Variants in ASTN2 observed in about 807,000 individuals in gnomAD.
ASTN2 encodes astrotactin-2.
ASTN2 carries 54 observed loss-of-function variants against 139.8 expected under a neutral mutation model. The observed-to-expected ratio is 0.39, with a 90% CI of 0.31 to 0.48. The LOEUF is 0.48. Ranked by LOEUF, ASTN2 falls within the 20% of genes least tolerant of loss-of-function variation. The pLI is 0.95. For synonymous variants in ASTN2, 756 were observed against 719.5 expected, an observed-to-expected ratio of 1.05 and a Z score of -0.81; for missense variants, 1,565 against 1,725.1, an observed-to-expected ratio of 0.91 and a Z score of 1.64.
chr9:116,879,693 T>C (rs1833403114), intron 10 of ASTN2, among the ~76,000 whole-genome samples: 2 of 152,250 alleles, frequency 1.3e-5, no homozygotes, highest in African/African-American at 2.4e-5. Context: ...GACAAATGAA[T>C]GAATAAAAAC....
chr9:116,604,244 A>G (rs1855069726), intron 19 of ASTN2, among the ~76,000 whole-genome samples: 1 of 152,144 alleles, frequency 6.6e-6, no homozygotes, highest in Non-Finnish European at 1.5e-5. Context: ...GAACTTTGTG[A>G]TATAGAAGGC....
At chr9:117,268,049 G>A (rs1833976130) in intron 2 of ASTN2, among the ~76,000 whole-genome samples, 1 of 152,132 alleles carries the variant, frequency 6.6e-6, no homozygotes, top group Non-Finnish European at 1.5e-5. Flanking sequence ...ATGTTAAAAA[G>A]CACTGGAATA....
intron 13 of ASTN2, among the ~76,000 whole-genome samples, chr9:116,784,727 C>T (rs779750564): frequency 2.0e-5 from 3 of 151,954 alleles, no homozygotes; most frequent in Admixed American, 6.6e-5. Flanking sequence ...GTTGGGAGTT[C>T]GAGACCAGCC....
At chr9:116,806,693 T>C (rs1008156008) in intron 12 of ASTN2, among the ~76,000 whole-genome samples, 2 of 152,182 alleles carry the variant, frequency 1.3e-5, no homozygotes, top group South Asian at 4.1e-4. Context: ...GTGAGTCATT[T>C]AACTTCTATG....
intron 4 of ASTN2, among the ~76,000 whole-genome samples, chr9:117,115,765 C>A (rs1429602523): frequency 6.6e-6 from 1 of 151,960 alleles, no homozygotes; most frequent in Admixed American, 6.6e-5. Flanking sequence ...GTGGCTCACA[C>A]CTGTAATCCC....
At chr9:117,365,639 A>G (rs1829823268) in intron 1 of ASTN2, among the ~76,000 whole-genome samples, 1 of 152,192 alleles carries the variant, frequency 6.6e-6, no homozygotes. Context: ...CCCAGTAAAA[A>G]TAGACCAGGA....
rs181069481 is a variant in ASTN2 at position 116,431,584 on chromosome 9, C to G, written c.3783-5496G>C. 1.1e-4 allele frequency among the ~76,000 whole-genome samples: 16 copies of G among 151,900 alleles called. 1 individual carries two copies. In the East Asian group the frequency reaches 3.1e-3, roughly 29 times the overall value. Reference sequence around the variant, plus strand: ...GAGCTGAAAGCAGGAATGGAGAGTGCCCATGGAAGAGAAGATTTAGGCCAT... The same window carrying G: ...GAGCTGAAAGCAGGAATGGAGAGTGGCCATGGAAGAGAAGATTTAGGCCAT... On this transcript the variant is annotated intron_variant, in intron 22 of 22. Coordinates refer to ENST00000313400, the MANE Select transcript of ASTN2 (RefSeq NM_001365068.1).
intron 13 of ASTN2, among the ~76,000 whole-genome samples, chr9:116,772,471 T>A (rs758635194): frequency 6.6e-6 from 1 of 152,200 alleles, no homozygotes; most frequent in Non-Finnish European, 1.5e-5. Context: ...TTTTTCTGTA[T>A]AAATTACCCA....
chr9:116,964,153 G>T (rs576564228), intron 10 of ASTN2, among the ~76,000 whole-genome samples: 1 of 151,740 alleles, frequency 6.6e-6, no homozygotes, highest in East Asian at 1.9e-4. Flanking sequence ...TTGAACCTAA[G>T]GTACAGATCA....
rs368221072 is a variant in ASTN2, at chr9:117,276,153, A to G, written c.630+15173T>C. ...ATTTATTGAGAAATTTCTATTTATCAGGCACCAAGTCTGTACTTAACATGG... is the reference window on the plus strand; with the variant it reads ...ATTTATTGAGAAATTTCTATTTATCGGGCACCAAGTCTGTACTTAACATGG... On this transcript the variant is annotated intron_variant, in intron 2 of 22. Coordinates refer to ENST00000313400, the MANE Select transcript of ASTN2 (RefSeq NM_001365068.1). Among the ~76,000 whole-genome samples the G allele has an allele frequency of 1.1e-4, 16 of 152,342 alleles. No homozygotes were observed. The East Asian group carries it at 2.3e-3, about 22-fold the overall frequency.
At chr9:117,027,757 TC>T (rs1838129379) in intron 6 of ASTN2, among the ~76,000 whole-genome samples, 1 of 152,162 alleles carries the variant, frequency 6.6e-6, no homozygotes, top group Non-Finnish European at 1.5e-5. Flanking sequence ...TCATCTACCT[TC>T]CATAGTAGCC....
chr9:116,750,959 T>C (rs781282855), intron 13 of ASTN2, among the ~76,000 whole-genome samples: 3 of 152,212 alleles, frequency 2.0e-5, no homozygotes, highest in Non-Finnish European at 4.4e-5. Context: ...TGAATCCAGT[T>C]TGTAAGACCC....
At chr9:117,060,332 AAGAAAGAAAGAG>A (rs1455879958) in intron 5 of ASTN2, among the ~76,000 whole-genome samples, 1,160 of 81,826 alleles carry the variant, frequency 0.014, 143 homozygotes, top group South Asian at 0.042. Context: ...GAAAGAAAGA[AAGAAAGAAAGAG>A]AGAAAGAAAG....
At chr9:117,409,865 G>A (rs1831113213) in intron 1 of ASTN2, among the ~76,000 whole-genome samples, 1 of 152,106 alleles carries the variant, frequency 6.6e-6, no homozygotes, top group Admixed American at 6.5e-5. Context: ...CAGGTTCCTG[G>A]CACCTCACTC....
chr9:117,144,808 A>G (rs185737625), intron 3 of ASTN2, among the ~76,000 whole-genome samples: 2 of 150,640 alleles, frequency 1.3e-5, no homozygotes, highest in Admixed American at 1.3e-4. Context: ...CAGCCTCCCG[A>G]GTAGCTGGGA....
At chr9:116,820,907 T>C (rs1038337294) in intron 11 of ASTN2, 124 bp from the exon 12 acceptor site, 2 of 1,025,220 alleles carry the variant, frequency 2.0e-6, no homozygotes, top group South Asian at 1.9e-5. Context: ...AGTCTCCTTT[T>C]GTCAGTTAAT....
chr9:117,259,831 T>A (rs1257749920), intron 2 of ASTN2, among the ~76,000 whole-genome samples: 1 of 152,152 alleles, frequency 6.6e-6, no homozygotes. Context: ...GGCATGTCCT[T>A]AACCTAGGCA....
chr9:116,903,432 G>C (rs776490310), intron 10 of ASTN2, among the ~76,000 whole-genome samples: 1 of 152,220 alleles, frequency 6.6e-6, no homozygotes, highest in Non-Finnish European at 1.5e-5. Flanking sequence ...GGCCACAACA[G>C]TATCTCCCAT....
intron 5 of ASTN2, among the ~76,000 whole-genome samples, chr9:117,084,968 C>T (rs1250332604): frequency 6.6e-6 from 1 of 152,178 alleles, no homozygotes; most frequent in African/African-American, 2.4e-5. Context: ...AGCTCTTCTT[C>T]CCACACAGCC....
Sources: allele counts gnomAD v4.1 joint callset (sites outside exome capture counted in the v4.1 genomes callset), GRCh38; gene constraint gnomAD v4.1.1; transcripts MANE v1.5; gene names NCBI Gene and HGNC (gene_info 2026-07-23, HGNC 2026-07-21).